NUP98: variants seen among roughly 807,000 people sequenced by gnomAD.
The protein encoded by NUP98 is nucleoporin 98 and 96 precursor.
NUP98 carries 26 observed loss-of-function variants against 191.9 expected under a neutral mutation model. That is an observed-to-expected ratio of 0.14 (90% CI 0.10 to 0.19). NUP98 has a LOEUF of 0.19. Among genes scored for constraint, NUP98 ranks in the 10% least tolerant of loss-of-function variants. NUP98 has a pLI of 1.00. For synonymous variants in NUP98, 808 were observed against 778.4 expected, an observed-to-expected ratio of 1.04 and a Z score of -0.63; for missense variants, 1,941 against 2,178.8, an observed-to-expected ratio of 0.89 and a Z score of 2.17.
At chr11:3,772,377 T>TTTGGTATG (rs2081557758) in intron 6 of NUP98, among the ~76,000 whole-genome samples, 1 of 152,232 alleles carries the variant, frequency 6.6e-6, no homozygotes, top group African/African-American at 2.4e-5. Context: ...GTAAGCATAG[T>TTTGGTATG]TTGGTATGTA....
intron 12 of NUP98, 115 bp downstream of exon 12, chr11:3,744,394 T>G (rs950250877): frequency 4.9e-6 from 5 of 1,030,056 alleles, no homozygotes; most frequent in Admixed American, 2.8e-5. Flanking sequence ...AATTGTTTAA[T>G]GACATGCATG....
chr11:3,698,728 A>T, intron 25 of NUP98, among the ~76,000 whole-genome samples: 1 of 123,042 alleles, frequency 8.1e-6, no homozygotes, highest in Admixed American at 8.1e-5. Flanking sequence ...ACTGTCTCAA[A>T]AAAAAAAAAA....
At chr11:3,738,526 C>T (rs1340086088) in intron 12 of NUP98, among the ~76,000 whole-genome samples, 1 of 152,126 alleles carries the variant, frequency 6.6e-6, no homozygotes, top group African/African-American at 2.4e-5. Context: ...TGCCAGTAAT[C>T]CCAGCACTTT....
chr11:3,731,616 T>C (rs766170446), intron 13 of NUP98, 38 bp from the exon 14 acceptor site: 23 of 1,464,596 alleles, frequency 1.6e-5, no homozygotes, highest in Non-Finnish European at 2.1e-5. Context: ...TTTGGTTTAC[T>C]TTAAATGTAC....
In NUP98 at chr11:3,706,624, G is replaced by C. The variant is rs1483025956; in HGVS notation, c.2746C>G (p.Gln916Glu). ...CCTAACTGCTCCACCTCTGGGCTCT[G>C]GCTCTGTAGACAGCAGAAAGATCAG... ...NGKPAPPPQS[Q>E]SPEVEQLGRV... Residue 916 changes from glutamine (Q) to glutamate (E), a missense_variant, in exon 21 of 33, where the codon CAG becomes GAG. Gln to Glu is a conservative substitution (Grantham distance 29). Coordinates refer to ENST00000324932, the MANE Select transcript of NUP98 (RefSeq NM_016320.5). 8 of 1,613,220 alleles carry C rather than the reference G, an allele frequency of 5.0e-6. No individual in the cohort carries two copies. Among genetic ancestry groups the C allele is most frequent in the Non-Finnish European group, 6.8e-6 (8 of 1,179,830 alleles).
At chr11:3,775,841 C>T (rs200332167) in intron 5 of NUP98, 41 bp downstream of exon 5, 112 of 1,587,158 alleles carry the variant, frequency 7.1e-5, no homozygotes, top group African/African-American at 1.1e-4. Flanking sequence ...AATATACATG[C>T]GGGAAAAAAC....
chr11:3,705,165 A>C (rs1369441451), intron 22 of NUP98, 35 bp downstream of exon 22: 2 of 1,608,110 alleles, frequency 1.2e-6, no homozygotes, highest in Non-Finnish European at 1.7e-6. Context: ...ATGACTGTAC[A>C]GCTTTCTTGT....
chr11:3,697,629 C>A (rs997433278), intron 25 of NUP98, among the ~76,000 whole-genome samples: 1 of 151,682 alleles, frequency 6.6e-6, no homozygotes, highest in Non-Finnish European at 1.5e-5. Flanking sequence ...GCCAACATGG[C>A]GAAACCCTGT....
chr11:3,704,951 G>A (rs896822411), intron 22 of NUP98, among the ~76,000 whole-genome samples: 2 of 152,242 alleles, frequency 1.3e-5, no homozygotes, highest in African/African-American at 4.8e-5. Flanking sequence ...CAAGGCTGTA[G>A]TAAGTGCGAC....
chr11:3,702,868 A>T lies in NUP98; in HGVS notation c.3107T>A (p.Phe1036Tyr). The change falls in exon 23 of 33, where the codon TTT becomes TAT. Residue 1036 changes from phenylalanine (F) to tyrosine (Y), a missense_variant. Phe to Tyr is a conservative substitution (Grantham distance 22, BLOSUM62 3). Coordinates refer to ENST00000324932, the MANE Select transcript of NUP98 (RefSeq NM_016320.5). The stretch of plus-strand genomic sequence containing the variant: ...TGGTGAAAGAAAAGCTCCACTTGTA[A>T]ATTTTGATTGTAGTAACCCACCAAC... ...SLVGGLLQSKFTSGAFLSPSV... is the reference protein window; with the variant it reads ...SLVGGLLQSKYTSGAFLSPSV... 1.2e-6 allele frequency: 2 copies of T among 1,612,028 alleles called. No homozygotes were observed. Among genetic ancestry groups the T allele is most frequent in the Non-Finnish European group, 8.5e-7 (1 of 1,178,556 alleles).
chr11:3,795,203 G>A (rs1196573053), intron 1 of NUP98, among the ~76,000 whole-genome samples: 2 of 152,172 alleles, frequency 1.3e-5, no homozygotes, highest in Non-Finnish European at 2.9e-5. Context: ...CACTTTGGGA[G>A]GCCGAGGTGG....
At chr11:3,712,997 A>G (rs1163709538) in intron 19 of NUP98, among the ~76,000 whole-genome samples, 2 of 152,220 alleles carry the variant, frequency 1.3e-5, no homozygotes, top group Non-Finnish European at 2.9e-5. Context: ...AATATAGGAA[A>G]CTTAATCCAA....
chr11:3,760,662 T>G (rs777872206), intron 9 of NUP98, 36 bp from the exon 10 acceptor site: 2 of 1,574,424 alleles, frequency 1.3e-6, no homozygotes, highest in South Asian at 2.3e-5. Context: ...TTTAAAATAA[T>G]ATTAAGACAC....
chr11:3,738,986 T>C (rs2080179163), intron 12 of NUP98, among the ~76,000 whole-genome samples: 1 of 151,908 alleles, frequency 6.6e-6, no homozygotes, highest in African/African-American at 2.4e-5. Context: ...CAAGGCACAC[T>C]CACATAGTTC....
rs552004075 is a variant in NUP98, at chr11:3,687,853, A to T, written c.4455-1659T>A. Among the ~76,000 whole-genome samples, 391 of 151,730 alleles carry T rather than the reference A, an allele frequency of 2.6e-3. 2 individuals carry two copies. Among genetic ancestry groups the T allele is most frequent in the African/African-American group, 8.6e-3 (357 of 41,346 alleles). ...AAGGCGGGTGGATCACGAGGTCAGG[A>T]GATCGAGACTATCTTGGCTAACAAA... On this transcript the variant is annotated intron_variant, in intron 28 of 32. Transcript: ENST00000324932.
At position 3,699,232 on chromosome 11, in the gene NUP98, T is replaced by G. The variant is rs373300399; in HGVS notation, c.3859A>C (p.Arg1287=). Reference sequence around the variant, plus strand: ...CAGGATAGCCAGCGGGAGAAAGCTCTTCTTCGCTCCAGAATTTGAATGTAT... The same window carrying G: ...CAGGATAGCCAGCGGGAGAAAGCTCGTCTTCGCTCCAGAATTTGAATGTAT... ...REYIQILERR[R]AFSRWLSCTA... The change falls in exon 25 of 33, where the codon AGA becomes CGA. Residue 1287 remains arginine (R), a synonymous_variant. Coordinates refer to ENST00000324932, the MANE Select transcript of NUP98 (RefSeq NM_016320.5). 5.9e-5 allele frequency: 95 copies of G among 1,613,992 alleles called. No homozygotes were observed. The highest frequency in any genetic ancestry group is 7.6e-5 in the Non-Finnish European group (90 of 1,179,954).
chr11:3,785,376 T>G (rs573089232), intron 1 of NUP98, among the ~76,000 whole-genome samples: 1 of 152,272 alleles, frequency 6.6e-6, no homozygotes, highest in African/African-American at 2.4e-5. Context: ...CATCACTCAT[T>G]TACATCAACT....
At position 3,731,490 on chromosome 11, in the gene NUP98, C is replaced by T. The variant is rs768368938; in HGVS notation, c.1631G>A (p.Arg544Gln). The change falls in exon 14 of 33, where the codon CGG becomes CAG. Residue 544 changes from arginine (R) to glutamine (Q), a missense_variant. Physicochemically the swap from Arg to Gln is conservative, Grantham distance 43. Transcript: ENST00000324932. ...KLTPRPATRV[R>Q]PKALQTTGTA... Reference sequence around the variant, plus strand: ...GCCTGTTGTTTGTAAAGCCTTTGGCCGGACTCTAGTGGCAGGGCGGGGTGT... The same window carrying T: ...GCCTGTTGTTTGTAAAGCCTTTGGCTGGACTCTAGTGGCAGGGCGGGGTGT... 5.0e-6 allele frequency: 8 copies of T among 1,609,722 alleles called. No individual in the cohort carries two copies. Among genetic ancestry groups the T allele is most frequent in the Non-Finnish European group, 5.9e-6 (7 of 1,177,836 alleles).
intron 13 of NUP98, 75 bp from the exon 14 acceptor site, chr11:3,731,653 CAG>C (rs1226971017): frequency 4.1e-5 from 41 of 1,005,966 alleles, no homozygotes; most frequent in Non-Finnish European, 5.3e-5. Context: ...ATCACAAGAC[CAG>C]ATTTCAATCC....
Sources: gnomAD v4.1 joint callset for allele counts (sites outside exome capture counted in the v4.1 genomes callset) on GRCh38, gnomAD v4.1.1 for gene constraint, MANE v1.5 for transcripts, NCBI Gene and HGNC (gene_info 2026-07-23, HGNC 2026-07-21) for gene names.